The following TMEM232 variants were observed in gnomAD, a reference collection of about 807,000 sequenced individuals.
The protein encoded by TMEM232 is transmembrane protein 232.
A neutral mutation model predicts 78.8 loss-of-function variants in TMEM232; 80 were observed. That is an observed-to-expected ratio of 1.01 (90% CI 0.85 to 1.22). TMEM232 has a LOEUF of 1.22. Among genes scored for constraint, TMEM232 ranks in the 50% most tolerant of loss-of-function variants. The pLI is 0.00. For missense variants in TMEM232, 881 were observed against 742.2 expected, an observed-to-expected ratio of 1.19 and a Z score of -2.17; for synonymous variants, 297 against 254.3, an observed-to-expected ratio of 1.17 and a Z score of -1.60.
intron 12 of TMEM232, among the ~76,000 whole-genome samples, chr5:110,501,391 T>A (rs1027587505): frequency 2.0e-5 from 3 of 151,940 alleles, no homozygotes; most frequent in African/African-American, 7.2e-5. Flanking sequence ...CTTATTATAA[T>A]AATTATATTT....
rs560941634 is a variant in TMEM232 at position 110,609,208 on chromosome 5, T to C, written c.903-2921A>G. On this transcript the variant is annotated intron_variant, in intron 8 of 13. Coordinates refer to ENST00000455884, the MANE Select transcript of TMEM232 (RefSeq NM_001039763.4). Reference sequence around the variant, plus strand: ...ATTGCGACAAATATTCCAGAAAGCATTGACAATGTCAAAAATCCACATGAT... The same window carrying C: ...ATTGCGACAAATATTCCAGAAAGCACTGACAATGTCAAAAATCCACATGAT... 2.0e-4 allele frequency among the ~76,000 whole-genome samples: 31 copies of C among 152,074 alleles called. No individual in the cohort carries two copies. In the Middle Eastern group the frequency reaches 0.017, roughly 83 times the overall value.
intron 1 of TMEM232, among the ~76,000 whole-genome samples, chr5:110,710,418 C>A (rs2161319): frequency 0.075 from 11,381 of 152,014 alleles, 526 homozygotes; most frequent in South Asian, 0.2. Flanking sequence ...ACTCTCACAG[C>A]AAAATCAGAC....
intron 11 of TMEM232, among the ~76,000 whole-genome samples, chr5:110,559,022 CAG>C (rs1422551538): frequency 1.3e-5 from 2 of 152,162 alleles, no homozygotes; most frequent in African/African-American, 4.8e-5. Flanking sequence ...GGGATCTGCT[CAG>C]AGTATGCCAA....
At chr5:110,596,187 C>G (rs1337801058) in intron 10 of TMEM232, among the ~76,000 whole-genome samples, 1 of 152,102 alleles carries the variant, frequency 6.6e-6, no homozygotes, top group African/African-American at 2.4e-5. Context: ...GGGATATCAC[C>G]ACCGATCCCA....
intron 12 of TMEM232, among the ~76,000 whole-genome samples, chr5:110,471,936 A>T (rs1365125531): frequency 2.6e-5 from 4 of 152,102 alleles, no homozygotes; most frequent in Admixed American, 2.6e-4. Flanking sequence ...AATGGAAAGG[A>T]TCATAAAAGA....
chr5:110,694,888 A>C (rs755018039), intron 1 of TMEM232, among the ~76,000 whole-genome samples: 2 of 152,226 alleles, frequency 1.3e-5, no homozygotes, highest in African/African-American at 2.4e-5. Context: ...CATTAGACAG[A>C]TCAAAGAGAC....
Position 110,611,772 on chromosome 5 carries a change from C to A in TMEM232, c.903-5485G>T, listed in dbSNP as rs114612958. On this transcript the variant is annotated intron_variant, in intron 8 of 13. Coordinates refer to ENST00000455884, the MANE Select transcript of TMEM232 (RefSeq NM_001039763.4). ...AGTGTATGACAGATTGTTGAGGGGA[C>A]GAACGCAAAGCAAGGAGACAAGTTA... Among the ~76,000 whole-genome samples the A allele has an allele frequency of 6.6e-3, 1,007 of 152,020 alleles. 8 individuals are homozygous for A. The highest frequency in any genetic ancestry group is 0.023 in the African/African-American group (936 of 41,450).
intron 8 of TMEM232, among the ~76,000 whole-genome samples, chr5:110,613,620 T>C (rs1782574019): frequency 5.3e-5 from 8 of 152,204 alleles, no homozygotes; most frequent in Admixed American, 5.2e-4. Context: ...CAAATCCTGA[T>C]GAAGTCTTAA....
chr5:110,438,977 T>G (rs1029716012), intron 12 of TMEM232, among the ~76,000 whole-genome samples: 1 of 152,140 alleles, frequency 6.6e-6, no homozygotes, highest in African/African-American at 2.4e-5. Flanking sequence ...AAAAAATAGA[T>G]AATTTTCTGG....
chr5:110,726,108 TCACACACACACACACA>T (rs3985014), intron 1 of TMEM232, among the ~76,000 whole-genome samples: 1 of 144,550 alleles, frequency 6.9e-6, no homozygotes, highest in Admixed American at 7.0e-5. Flanking sequence ...CCTCTCTCTT[TCACACACACACACACA>T]CACACACACA....
intron 11 of TMEM232, among the ~76,000 whole-genome samples, chr5:110,553,286 T>G (rs1289132498): frequency 6.6e-6 from 1 of 152,170 alleles, no homozygotes; most frequent in African/African-American, 2.4e-5. Context: ...GGTAGTTCAA[T>G]AGGAATAACA....
At chr5:110,393,580 T>A (rs544567210) in intron 3 of TMEM232, among the ~76,000 whole-genome samples, 42 of 152,200 alleles carry the variant, frequency 2.8e-4, no homozygotes, top group Non-Finnish European at 5.4e-4. Context: ...TTTAATCCAA[T>A]ACAACTTTTT....
At chr5:110,458,629 C>T (rs1272477286) in intron 12 of TMEM232, among the ~76,000 whole-genome samples, 1 of 152,162 alleles carries the variant, frequency 6.6e-6, no homozygotes, top group African/African-American at 2.4e-5. Flanking sequence ...ATGGAAGTCT[C>T]TACCTGCTTT....
At chr5:110,641,034 T>C (rs748725130) in intron 3 of TMEM232, 38 bp from the exon 4 acceptor site, 26 of 1,256,758 alleles carry the variant, frequency 2.1e-5, no homozygotes, top group Non-Finnish European at 2.6e-5. Context: ...AATCAAAATG[T>C]ACATATTTTT....
intron 1 of TMEM232, among the ~76,000 whole-genome samples, chr5:110,680,764 CATT>C (rs1792641880): frequency 1.3e-5 from 2 of 151,770 alleles, no homozygotes; most frequent in Admixed American, 1.3e-4. Context: ...ACTGCACTGA[CATT>C]AACATATTTT....
intron 12 of TMEM232, among the ~76,000 whole-genome samples, chr5:110,454,923 A>G (rs1461221480): frequency 6.6e-6 from 1 of 151,968 alleles, no homozygotes; most frequent in Non-Finnish European, 1.5e-5. Flanking sequence ...AAAAAAAAAA[A>G]AGATAAACCT....
chr5:110,512,854 T>C (rs921837189), intron 12 of TMEM232, among the ~76,000 whole-genome samples: 2 of 152,208 alleles, frequency 1.3e-5, no homozygotes, highest in Admixed American at 1.3e-4. Context: ...AACTGATCTG[T>C]ATTTGAAATA....
intron 12 of TMEM232, among the ~76,000 whole-genome samples, chr5:110,475,194 C>G (rs970278679): frequency 2.6e-5 from 4 of 151,782 alleles, no homozygotes; most frequent in African/African-American, 4.8e-5. Context: ...TACAGTTATG[C>G]CAATTCTTGA....
At chr5:110,594,658 G>C (rs2149785901) in intron 10 of TMEM232, among the ~76,000 whole-genome samples, 1 of 152,308 alleles carries the variant, frequency 6.6e-6, no homozygotes, top group East Asian at 1.9e-4. Flanking sequence ...CCAGTAGGCA[G>C]TTTTCCCCTC....
Sources: allele counts gnomAD v4.1 joint callset (sites outside exome capture counted in the v4.1 genomes callset), GRCh38; gene constraint gnomAD v4.1.1; transcripts MANE v1.5; gene names NCBI Gene and HGNC (gene_info 2026-07-23, HGNC 2026-07-21).